MCTP1: variants seen among roughly 807,000 people sequenced by gnomAD.
The protein encoded by MCTP1 is multiple C2 and transmembrane domain containing 1.
Under a neutral mutation model 120.6 loss-of-function variants are expected in MCTP1, and 69 were observed. That is an observed-to-expected ratio of 0.57 (90% CI 0.47 to 0.70). MCTP1 has a LOEUF of 0.70. Among genes scored for constraint, MCTP1 ranks in the 30% least tolerant of loss-of-function variants. The pLI, the probability that MCTP1 is intolerant of heterozygous loss-of-function variation, is 0.00. For synonymous variants in MCTP1, 529 were observed against 493.1 expected, an observed-to-expected ratio of 1.07 and a Z score of -0.96; for missense variants, 1,203 against 1,248.8, an observed-to-expected ratio of 0.96 and a Z score of 0.55.
In MCTP1 at chr5:95,284,570, C is replaced by T. The variant is rs772163293; in HGVS notation, c.6G>A (p.Glu2=). The T allele has an allele frequency of 4.1e-5, 59 of 1,433,398 alleles. No individual in the cohort carries two copies. The South Asian group carries it at 7.3e-4, about 18-fold the overall frequency. The allele number at this position is 1,433,398 out of a possible 1,614,324, so 88.8% of individuals were successfully genotyped here. ...GCTCGCCCGCCGCGGCAGCCCGGGG[C>T]TCCATCCTCCACCCCCTGCTCCTCC... M[E]PRAAAAGEPE... The change falls in exon 1 of 23, where the codon GAG becomes GAA. Residue 2 remains glutamate, a synonymous_variant. Coordinates refer to ENST00000515393, the MANE Select transcript of MCTP1 (RefSeq NM_024717.7). The surrounding 1 kb of genome is among the most constrained non-coding windows in gnomAD (Gnocchi z 5.2).
chr5:95,044,822 C>T (rs1025430361), intron 1 of MCTP1, among the ~76,000 whole-genome samples: 2 of 148,690 alleles, frequency 1.3e-5, no homozygotes, highest in African/African-American at 5.2e-5. Flanking sequence ...CCCCAGACCC[C>T]CTAGTCCGAG....
At chr5:94,992,426 C>T (rs1831761714) in intron 2 of MCTP1, among the ~76,000 whole-genome samples, 1 of 152,096 alleles carries the variant, frequency 6.6e-6, no homozygotes, top group Admixed American at 6.6e-5. Flanking sequence ...CTTTTGTTAT[C>T]CCCATTTTGA....
At chr5:94,865,365 G>A (rs1380449767) in intron 17 of MCTP1, among the ~76,000 whole-genome samples, 1 of 151,784 alleles carries the variant, frequency 6.6e-6, no homozygotes, top group African/African-American at 2.4e-5. Context: ...TAGAAAAAAG[G>A]CACTTAAACA....
intron 1 of MCTP1, among the ~76,000 whole-genome samples, chr5:95,280,761 A>C (rs1181469646): frequency 6.6e-6 from 1 of 152,232 alleles, no homozygotes; most frequent in Non-Finnish European, 1.5e-5. Flanking sequence ...TGGCTAATGA[A>C]AACACAATAG....
At chr5:95,036,846 T>C (rs1288534643) in intron 1 of MCTP1, among the ~76,000 whole-genome samples, 1 of 152,186 alleles carries the variant, frequency 6.6e-6, no homozygotes, top group African/African-American at 2.4e-5. Context: ...TAGAAATCAA[T>C]TTCCAACCTC....
intron 1 of MCTP1, among the ~76,000 whole-genome samples, chr5:95,157,268 G>A (rs1745228089): frequency 6.6e-6 from 1 of 152,068 alleles, no homozygotes; most frequent in African/African-American, 2.4e-5. Flanking sequence ...AGGTTTCTTT[G>A]GGAATGGGAC....
At chr5:94,983,668 A>AATCTATCT (rs57481277) in intron 2 of MCTP1, among the ~76,000 whole-genome samples, 109 of 150,792 alleles carry the variant, frequency 7.2e-4, no homozygotes, top group South Asian at 5.2e-3. Flanking sequence ...TCTGTCTGTC[A>AATCTATCT]ATCTATCTAT....
intron 1 of MCTP1, among the ~76,000 whole-genome samples, chr5:95,023,052 C>T (rs544439594): frequency 5.9e-5 from 9 of 152,138 alleles, no homozygotes; most frequent in African/African-American, 1.4e-4. Context: ...CATCAAAAAG[C>T]GCATCACTAG....
At chr5:95,255,967 T>A (rs998616943) in intron 1 of MCTP1, among the ~76,000 whole-genome samples, 3 of 152,118 alleles carry the variant, frequency 2.0e-5, no homozygotes, top group Admixed American at 2.0e-4. Flanking sequence ...CTCGAGGCAT[T>A]CATGCCTAAA....
chr5:94,967,400 C>G (rs1317129441), intron 2 of MCTP1, among the ~76,000 whole-genome samples: 1 of 152,184 alleles, frequency 6.6e-6, no homozygotes, highest in East Asian at 1.9e-4. Context: ...GAGTTCACAG[C>G]TGAAGAAACT....
At chr5:94,966,439 C>T (rs1260462360) in intron 2 of MCTP1, among the ~76,000 whole-genome samples, 1 of 152,142 alleles carries the variant, frequency 6.6e-6, no homozygotes, top group Non-Finnish European at 1.5e-5. Flanking sequence ...CTACTATTGC[C>T]TCCATTTTAT....
At chr5:94,760,115 C>A (rs1770987060) in intron 19 of MCTP1, among the ~76,000 whole-genome samples, 1 of 151,716 alleles carries the variant, frequency 6.6e-6, no homozygotes, top group Admixed American at 6.6e-5. Flanking sequence ...TAGAGATAAG[C>A]CAACCTGTAG....
At chr5:95,251,695 T>C (rs988200371) in intron 1 of MCTP1, among the ~76,000 whole-genome samples, 1 of 152,134 alleles carries the variant, frequency 6.6e-6, no homozygotes, top group Non-Finnish European at 1.5e-5. Context: ...AAATTTCTCT[T>C]ATAGTAATAA....
intron 19 of MCTP1, among the ~76,000 whole-genome samples, chr5:94,725,538 C>A (rs1209580280): frequency 1.3e-5 from 2 of 152,144 alleles, no homozygotes; most frequent in African/African-American, 4.8e-5. Context: ...AAAAAAACTT[C>A]TTTTGAAATT....
At chr5:94,894,557 C>T (rs775547207) in intron 11 of MCTP1, 92 bp downstream of exon 11, 4 of 952,428 alleles carry the variant, frequency 4.2e-6, no homozygotes, top group Admixed American at 4.9e-5. Flanking sequence ...CACCAGACAA[C>T]TTCTCAGAAG....
intron 17 of MCTP1, chr5:94,826,139 A>G (rs1580888287): frequency 2.8e-6 from 1 of 359,554 alleles, no homozygotes; most frequent in East Asian, 6.4e-5. Flanking sequence ...CAGATCCTCC[A>G]TGCAGATGAT....
At chr5:94,751,124 A>G (rs1768185967) in intron 19 of MCTP1, among the ~76,000 whole-genome samples, 1 of 152,104 alleles carries the variant, frequency 6.6e-6, no homozygotes, top group African/African-American at 2.4e-5. Context: ...GCCGGGCTGA[A>G]GTAATCACTC....
intron 16 of MCTP1, among the ~76,000 whole-genome samples, chr5:94,868,796 T>C (rs1315631289): frequency 1.3e-5 from 2 of 152,008 alleles, no homozygotes. Flanking sequence ...ATTGTGGTTT[T>C]AAGATTGATC....
chr5:94,876,617 T>C (rs138753696), intron 12 of MCTP1, among the ~76,000 whole-genome samples: 27 of 152,134 alleles, frequency 1.8e-4, no homozygotes, highest in African/African-American at 6.5e-4. Flanking sequence ...AGCAGACCAG[T>C]GGGTATCAAA....
Sources: allele counts gnomAD v4.1 joint callset (sites outside exome capture counted in the v4.1 genomes callset), GRCh38; gene constraint gnomAD v4.1.1; non-coding constraint Gnocchi (gnomAD v3.1); transcripts MANE v1.5; gene names NCBI Gene and HGNC (gene_info 2026-07-23, HGNC 2026-07-21).